Variants in PDZD8 observed in about 807,000 individuals in gnomAD.
The protein encoded by PDZD8 is PDZ domain-containing protein 8.
A neutral mutation model predicts 85.8 loss-of-function variants in PDZD8; 14 were observed. The observed-to-expected ratio is 0.16, with a 90% CI of 0.11 to 0.26. The LOEUF is 0.26. PDZD8 is among the 10% of genes least tolerant of loss of function. PDZD8 has a pLI of 1.00. For missense variants in PDZD8, 1,197 were observed against 1,424.3 expected (o/e 0.84, Z 2.57); for synonymous variants, 592 against 568.6 (o/e 1.04, Z -0.59).
At chr10:117,337,417 T>A (rs17545115) in intron 2 of PDZD8, among the ~76,000 whole-genome samples, 33,118 of 152,084 alleles carry the variant, frequency 0.22, 4,063 homozygotes, top group Middle Eastern at 0.34. Context: ...CAAAAAAACA[T>A]GCAATTGTTC....
At chr10:117,367,198 T>C (rs1169297957) in intron 1 of PDZD8, among the ~76,000 whole-genome samples, 1 of 151,706 alleles carries the variant, frequency 6.6e-6, no homozygotes, top group East Asian at 2.0e-4. Flanking sequence ...ATCACTAGAA[T>C]CCAGGAGTTG....
intron 2 of PDZD8, among the ~76,000 whole-genome samples, chr10:117,336,114 T>C (rs1463133400): frequency 1.3e-5 from 2 of 152,248 alleles, no homozygotes; most frequent in Non-Finnish European, 2.9e-5. Flanking sequence ...ATACACTTTA[T>C]AGCCTGAAGG....
intron 1 of PDZD8, among the ~76,000 whole-genome samples, chr10:117,357,532 G>A (rs575377401): frequency 7.9e-5 from 12 of 151,842 alleles, no homozygotes; most frequent in South Asian, 4.2e-4. Context: ...TTGGGAGGCC[G>A]AGGTGGGCAG....
intron 3 of PDZD8, among the ~76,000 whole-genome samples, chr10:117,313,528 T>C (rs2133801213): frequency 6.6e-6 from 1 of 152,284 alleles, no homozygotes. Context: ...CAGGACACTA[T>C]ACCTGATCAT....
chr10:117,297,589 A>G (rs983515001), intron 3 of PDZD8, among the ~76,000 whole-genome samples: 13 of 152,186 alleles, frequency 8.5e-5, no homozygotes, highest in African/African-American at 3.1e-4. Flanking sequence ...GTGGGAAAGC[A>G]ATACAGTTTC....
chr10:117,301,603 G>A (rs939134653), intron 3 of PDZD8, among the ~76,000 whole-genome samples: 11 of 152,174 alleles, frequency 7.2e-5, no homozygotes, highest in African/African-American at 2.7e-4. Context: ...AATGCCAGAT[G>A]TCAGATCAAT....
At chr10:117,297,766 TTC>T (rs1399750440) in intron 3 of PDZD8, among the ~76,000 whole-genome samples, 1 of 152,138 alleles carries the variant, frequency 6.6e-6, no homozygotes, top group Non-Finnish European at 1.5e-5. Context: ...GATAAAATTA[TTC>T]TCTATCTTGA....
intron 1 of PDZD8, among the ~76,000 whole-genome samples, chr10:117,350,906 A>G (rs960780204): frequency 1.3e-5 from 2 of 148,944 alleles, no homozygotes; most frequent in African/African-American, 2.5e-5. Context: ...AAAAAAAAAA[A>G]GAAATATATA....
At chr10:117,331,969 T>G (rs1204123952) in intron 2 of PDZD8, among the ~76,000 whole-genome samples, 1 of 152,202 alleles carries the variant, frequency 6.6e-6, no homozygotes, top group African/African-American at 2.4e-5. Flanking sequence ...ATACGGAAGA[T>G]TCTTTATATC....
chr10:117,309,743 T>G (rs1244764388), intron 3 of PDZD8, among the ~76,000 whole-genome samples: 1 of 152,208 alleles, frequency 6.6e-6, no homozygotes, highest in African/African-American at 2.4e-5. Flanking sequence ...ATTGACTAAC[T>G]ACTATGTGCT....
rs80268203 is a variant in PDZD8, at chr10:117,317,559, T to C, written c.1098+1313A>G. On this transcript the variant is annotated intron_variant, in intron 3 of 4. Coordinates refer to ENST00000334464, the MANE Select transcript of PDZD8 (RefSeq NM_173791.5). ...TTTGCTATAAAATATTAGAACTGTCTAATCTCATATCTTTGCAAATATAAT... is the reference window on the plus strand; with the variant it reads ...TTTGCTATAAAATATTAGAACTGTCCAATCTCATATCTTTGCAAATATAAT... Among the ~76,000 whole-genome samples the C allele has an allele frequency of 8.0e-3, 1,215 of 152,340 alleles. 13 individuals carry two copies. Among genetic ancestry groups the C allele is most frequent in the African/African-American group, 0.028 (1,164 of 41,574 alleles).
chr10:117,328,263 C>T (rs116858643), intron 2 of PDZD8, among the ~76,000 whole-genome samples: 2,708 of 152,272 alleles, frequency 0.018, 45 homozygotes, highest in Middle Eastern at 0.061. Flanking sequence ...TATGTCAGTG[C>T]TTCTTGTGCC....
At chr10:117,341,400 CTG>C (rs1213277967) in intron 1 of PDZD8, among the ~76,000 whole-genome samples, 4 of 152,162 alleles carry the variant, frequency 2.6e-5, no homozygotes, top group Admixed American at 6.5e-5. Context: ...AGGAGAGAGA[CTG>C]TGAACCAGAT....
At chr10:117,296,452 A>G (rs1843760062) in intron 3 of PDZD8, among the ~76,000 whole-genome samples, 1 of 152,138 alleles carries the variant, frequency 6.6e-6, no homozygotes, top group South Asian at 2.1e-4. Flanking sequence ...CAAATTCAAC[A>G]CAATCCCAGT....
At chr10:117,299,934 T>C (rs759247507) in intron 3 of PDZD8, among the ~76,000 whole-genome samples, 6 of 152,178 alleles carry the variant, frequency 3.9e-5, no homozygotes, top group Non-Finnish European at 1.5e-5. Context: ...CAATTACTAT[T>C]GCACTTGTGT....
chr10:117,363,928 G>A (rs1845040537), intron 1 of PDZD8, among the ~76,000 whole-genome samples: 1 of 152,128 alleles, frequency 6.6e-6, no homozygotes, highest in Non-Finnish European at 1.5e-5. Flanking sequence ...TACCAGACTA[G>A]TAAAAGCAAG....
intron 3 of PDZD8, among the ~76,000 whole-genome samples, chr10:117,305,203 A>G (rs1843913789): frequency 6.6e-6 from 1 of 152,122 alleles, no homozygotes; most frequent in Non-Finnish European, 1.5e-5. Context: ...ACCTGAGGTC[A>G]GAAGTTCGAA....
intron 2 of PDZD8, among the ~76,000 whole-genome samples, chr10:117,336,893 T>TAA (rs572471697): frequency 1.2e-3 from 180 of 144,298 alleles, no homozygotes; most frequent in Non-Finnish European, 2.4e-3. Flanking sequence ...ATTTAAAACT[T>TAA]AAAAAAAAAA....
At chr10:117,339,023 T>C (rs1487771023) in intron 2 of PDZD8, among the ~76,000 whole-genome samples, 1 of 150,422 alleles carries the variant, frequency 6.6e-6, no homozygotes, top group Non-Finnish European at 1.5e-5. Flanking sequence ...TTTTACAAAA[T>C]AGACAACATA....
Sources: gnomAD v4.1 joint callset for allele counts (sites outside exome capture counted in the v4.1 genomes callset) on GRCh38, gnomAD v4.1.1 for gene constraint, MANE v1.5 for transcripts, NCBI Gene and HGNC (gene_info 2026-07-23, HGNC 2026-07-21) for gene names.